PACS1: variants seen among roughly 807,000 people sequenced by gnomAD.
PACS1 encodes PACS-1.
In PACS1, 24 loss-of-function variants were observed where a neutral mutation model predicts 115.0. That is an observed-to-expected ratio of 0.21 (90% CI 0.15 to 0.29). The LOEUF (loss-of-function observed/expected upper bound fraction) is 0.29, where lower values mean the gene tolerates loss of function less well. Among genes scored for constraint, PACS1 ranks in the 10% least tolerant of loss-of-function variants. The pLI is 1.00. For missense variants in PACS1, 838 were observed against 1,251.2 expected (o/e 0.67, Z 4.98); for synonymous variants, 453 against 504.5 (o/e 0.90, Z 1.37).
chr11:66,170,145 G>A (rs928037796), intron 1 of PACS1, among the ~76,000 whole-genome samples: 6 of 150,402 alleles, frequency 4.0e-5, no homozygotes, highest in South Asian at 2.1e-4. Context: ...ATGAATCTTC[G>A]CTTAATCTGG....
chr11:66,078,177 T>C (rs1857426688), intron 1 of PACS1, among the ~76,000 whole-genome samples: 1 of 152,218 alleles, frequency 6.6e-6, no homozygotes, highest in African/African-American at 2.4e-5. Flanking sequence ...TTTCAGTACT[T>C]TTAGTTTTGT....
At position 66,070,589 on chromosome 11, in the gene PACS1, CAG is replaced by C; in HGVS notation, c.104_105del (p.Gln35ProfsTer84). On this transcript the variant is annotated frameshift_variant, in exon 1 of 24. Coordinates refer to ENST00000320580, the MANE Select transcript of PACS1 (RefSeq NM_018026.4). LOFTEE classifies it high-confidence loss of function. This position sits in a 1 kb window ranked among gnomAD's most constrained non-coding sequence, Gnocchi z 5.9. Reference protein sequence around the residue: ...VAQSPQQPPPQQQQQQPPQQP... With the variant: ...VAQSPQQPPPXQQQQQPPQQP... Reference sequence around the variant, plus strand: ...CCAGTCCCCTCAGCAGCCGCCGCCGCAGCAGCAGCAGCAGCAGCCGCCGCAGC... The same window carrying C: ...CCAGTCCCCTCAGCAGCCGCCGCCGCCAGCAGCAGCAGCAGCCGCCGCAGC... The C allele has an allele frequency of 6.9e-7, 1 of 1,448,276 alleles. No individual in the cohort carries two copies. The highest frequency in any genetic ancestry group is 2.3e-5 in the Admixed American group (1 of 43,966). 89.7% of individuals were successfully genotyped at this position (1,448,276 alleles called of 1,614,324 possible). A position where few individuals can be genotyped will look rare whatever the true frequency, so the allele number is the denominator to read the frequency against.
chr11:66,149,863 C>T (rs1859199091), intron 1 of PACS1, among the ~76,000 whole-genome samples: 1 of 152,104 alleles, frequency 6.6e-6, no homozygotes, highest in African/African-American at 2.4e-5. Flanking sequence ...AATTCTCCTG[C>T]CTCAGCCTCC....
intron 1 of PACS1, among the ~76,000 whole-genome samples, chr11:66,187,415 A>G (rs1000168641): frequency 3.4e-4 from 52 of 152,170 alleles, no homozygotes; most frequent in African/African-American, 7.7e-4. Context: ...CCTCCTATCT[A>G]GCTGTAATTT....
chr11:66,122,153 C>T (rs981658373), intron 1 of PACS1, among the ~76,000 whole-genome samples: 3 of 152,126 alleles, frequency 2.0e-5, no homozygotes, highest in African/African-American at 7.2e-5. Context: ...TTCTAGAGCC[C>T]TTAAAAATTA....
intron 1 of PACS1, among the ~76,000 whole-genome samples, chr11:66,144,333 G>A (rs1184236678): frequency 6.6e-6 from 1 of 152,194 alleles, no homozygotes; most frequent in Non-Finnish European, 1.5e-5. Context: ...AAAAGGAAAT[G>A]TATCATGTCA....
At chr11:66,110,177 T>G (rs1249908857) in intron 1 of PACS1, among the ~76,000 whole-genome samples, 1 of 152,210 alleles carries the variant, frequency 6.6e-6, no homozygotes, top group East Asian at 1.9e-4. Context: ...TATCTTACCT[T>G]AGTCTCATTG....
At chr11:66,124,186 A>C (rs1277926416) in intron 1 of PACS1, among the ~76,000 whole-genome samples, 3 of 152,248 alleles carry the variant, frequency 2.0e-5, no homozygotes, top group Non-Finnish European at 4.4e-5. Flanking sequence ...GGAGCATAAT[A>C]GGAGCTCTGG....
chr11:66,206,700 G>T (rs932064769), intron 2 of PACS1, among the ~76,000 whole-genome samples: 1 of 152,304 alleles, frequency 6.6e-6, no homozygotes, highest in East Asian at 1.9e-4. Flanking sequence ...GAGGGCTGGG[G>T]TGGAGGAAGT....
Position 66,244,520 on chromosome 11 carries a change from C to G in PACS1, c.*1240C>G, listed in dbSNP as rs1729535199. 6.6e-6 allele frequency: 1 copy of G among 152,432 alleles called. No individual in the cohort carries two copies. The highest frequency in any genetic ancestry group is 1.5e-5 in the Non-Finnish European group (1 of 68,194). The allele number at this position is 152,432 out of a possible 1,614,324, so 9.4% of individuals were successfully genotyped here. Reference sequence around the variant, plus strand: ...TCTGCGCCCCACAGCCCCTTTGGAGCTTTTCTCTTGTCCTCTCACTCCTTC... The same window carrying G: ...TCTGCGCCCCACAGCCCCTTTGGAGGTTTTCTCTTGTCCTCTCACTCCTTC... On this transcript the variant is annotated 3_prime_UTR_variant, in exon 24 of 24. Transcript: ENST00000320580.
chr11:66,213,551 C>T (rs952096173), intron 4 of PACS1, among the ~76,000 whole-genome samples: 1 of 152,250 alleles, frequency 6.6e-6, no homozygotes, highest in Non-Finnish European at 1.5e-5. Flanking sequence ...TCCCACTGAG[C>T]AGACAGAGCT....
intron 1 of PACS1, among the ~76,000 whole-genome samples, chr11:66,188,082 T>A (rs966940920): frequency 7.2e-5 from 11 of 152,174 alleles, no homozygotes; most frequent in African/African-American, 2.4e-4. Context: ...AATTTTTTTT[T>A]TATATGTTCG....
Position 66,070,687 on chromosome 11 carries a change from C to A in PACS1, c.201C>A (p.Ser67=). The A allele has an allele frequency of 6.3e-7, 1 of 1,578,636 alleles. No homozygotes were observed. Among genetic ancestry groups the A allele is most frequent in the East Asian group, 2.4e-5 (1 of 42,136 alleles). Residue 67 remains serine, a synonymous_variant, in exon 1 of 24, where the codon TCC becomes TCA. Transcript: ENST00000320580. The surrounding 1 kb of genome is among the most constrained non-coding windows in gnomAD (Gnocchi z 5.9). ...SSSTSAAAAS[S]SSSSTSTSMA... ...CCACCTCGGCGGCGGCTGCCTCCTCCTCGTCCTCGTCTACCTCCACCTCCA... is the reference window on the plus strand; with the variant it reads ...CCACCTCGGCGGCGGCTGCCTCCTCATCGTCCTCGTCTACCTCCACCTCCA...
chr11:66,149,890 C>T (rs551668108), intron 1 of PACS1, among the ~76,000 whole-genome samples: 126 of 152,220 alleles, frequency 8.3e-4, no homozygotes, highest in Middle Eastern at 3.4e-3. Context: ...GCTGGGATTA[C>T]AGGCATGCAC....
intron 4 of PACS1, among the ~76,000 whole-genome samples, chr11:66,211,706 G>A (rs1855074066): frequency 6.6e-6 from 1 of 152,144 alleles, no homozygotes; most frequent in Non-Finnish European, 1.5e-5. Context: ...CTTAACATGA[G>A]AATACTCTGC....
At chr11:66,158,618 G>A (rs1450578528) in intron 1 of PACS1, among the ~76,000 whole-genome samples, 3 of 152,246 alleles carry the variant, frequency 2.0e-5, no homozygotes, top group South Asian at 2.1e-4. Flanking sequence ...GGAGTATTGC[G>A]TGAGCCCAGG....
rs1387805701 is a variant in PACS1, at chr11:66,171,602, C to T, written c.357-21884C>T. 8.7e-5 allele frequency among the ~76,000 whole-genome samples: 13 copies of T among 149,168 alleles called. No homozygotes were observed. The East Asian group carries it at 2.1e-3, about 24-fold the overall frequency. ...TTTCTTTTCTTTTCTTTTTTTGAAA[C>T]GGAGTCTCGCTCTGTCGCCCAGGCT... On this transcript the variant is annotated intron_variant, in intron 1 of 23. Transcript: ENST00000320580.
intron 1 of PACS1, among the ~76,000 whole-genome samples, chr11:66,102,168 AATGGCTGAAGAAGGATTT>A (rs1182189486): frequency 6.6e-6 from 1 of 152,134 alleles, no homozygotes; most frequent in African/African-American, 2.4e-5. Context: ...AGTTCAATTG[AATGGCTGAAGAAGGATTT>A]ATTTGCCCCT....
In PACS1 at chr11:66,151,827, A is replaced by G. The variant is rs571077020; in HGVS notation, c.357-41659A>G. Among the ~76,000 whole-genome samples the G allele has an allele frequency of 3.9e-5, 6 of 152,332 alleles. No individual in the cohort carries two copies. The South Asian group carries it at 1.0e-3, about 26-fold the overall frequency. Reference sequence around the variant, plus strand: ...AGGCAGACTGCAAAGCCACTGTGCTATGATCAAAGAATTAAAGGAAAAATA... The same window carrying G: ...AGGCAGACTGCAAAGCCACTGTGCTGTGATCAAAGAATTAAAGGAAAAATA... On this transcript the variant is annotated intron_variant, in intron 1 of 23. Transcript: ENST00000320580.
Sources: gnomAD v4.1 joint callset for allele counts (sites outside exome capture counted in the v4.1 genomes callset) on GRCh38, gnomAD v4.1.1 for gene constraint, Gnocchi (gnomAD v3.1) non-coding constraint, MANE v1.5 for transcripts, NCBI Gene and HGNC (gene_info 2026-07-23, HGNC 2026-07-21) for gene names.